The following CDH13 variants were observed in gnomAD, a reference collection of about 807,000 sequenced individuals.
CDH13 encodes cadherin-13.
In CDH13, 24 loss-of-function variants were observed where a neutral mutation model predicts 63.8. That is an observed-to-expected ratio of 0.38 (90% CI 0.27 to 0.53). CDH13 has a LOEUF of 0.53. CDH13 is among the 20% of genes least tolerant of loss of function. The pLI is 0.85. For missense variants in CDH13, 1,049 were observed against 903.1 expected (o/e 1.16, Z -2.07); for synonymous variants, 503 against 355.3 (o/e 1.42, Z -4.67).
intron 10 of CDH13, among the ~76,000 whole-genome samples, chr16:83,743,079 T>C (rs910181552): frequency 1.3e-5 from 2 of 152,140 alleles, no homozygotes; most frequent in African/African-American, 2.4e-5. Flanking sequence ...TGGTGGCAGG[T>C]GCCTATAATT....
chr16:83,276,467 C>A (rs1406653349), intron 5 of CDH13, among the ~76,000 whole-genome samples: 1 of 152,120 alleles, frequency 6.6e-6, no homozygotes, highest in Non-Finnish European at 1.5e-5. Flanking sequence ...TTTCACCCTG[C>A]TAATTAAAAT....
chr16:83,633,487 A>G (rs1178318224), intron 8 of CDH13, among the ~76,000 whole-genome samples: 1 of 152,238 alleles, frequency 6.6e-6, no homozygotes, highest in East Asian at 1.9e-4. Flanking sequence ...TAGCTGAGTC[A>G]GCACAAAAGG....
At chr16:83,783,139 A>G in intron 12 of CDH13, 115 bp from the exon 13 acceptor site, 1 of 707,662 alleles carries the variant, frequency 1.4e-6, no homozygotes. Flanking sequence ...AAGCATTCGC[A>G]CAATTATAAA....
At chr16:83,469,560 A>C (rs895632873) in intron 6 of CDH13, among the ~76,000 whole-genome samples, 11 of 152,190 alleles carry the variant, frequency 7.2e-5, no homozygotes, top group Admixed American at 1.3e-4. Context: ...AGATGCTTTC[A>C]GGGCAACCTT....
Position 83,043,441 on chromosome 16 carries a change from G to A in CDH13, c.366+11223G>A, listed in dbSNP as rs117987551. ...TTTTCTTATAGTCATGTTAAAAAAC[G>A]AAACCAGTGAAATTAACTTTAATAA... On this transcript the variant is annotated intron_variant, in intron 3 of 13. Coordinates refer to ENST00000567109, the MANE Select transcript of CDH13 (RefSeq NM_001257.5). Among the ~76,000 whole-genome samples the A allele has an allele frequency of 8.7e-3, 1,312 of 151,640 alleles. 13 individuals carry two copies. The highest frequency in any genetic ancestry group is 0.014 in the Non-Finnish European group (980 of 67,912).
chr16:83,429,666 T>TGC (rs2072032789), intron 6 of CDH13, among the ~76,000 whole-genome samples: 4 of 152,192 alleles, frequency 2.6e-5, no homozygotes, highest in African/African-American at 9.7e-5. Flanking sequence ...TGGCTAATCT[T>TGC]TCCTTAGAAC....
chr16:83,577,576 C>T (rs904762241), intron 7 of CDH13, among the ~76,000 whole-genome samples: 1 of 152,184 alleles, frequency 6.6e-6, no homozygotes, highest in East Asian at 1.9e-4. Flanking sequence ...ATGGCCATCA[C>T]ATCTTGGTTC....
At chr16:83,745,888 G>C (rs1448709343) in intron 10 of CDH13, among the ~76,000 whole-genome samples, 1 of 152,152 alleles carries the variant, frequency 6.6e-6, no homozygotes, top group Non-Finnish European at 1.5e-5. Context: ...TTCGAAGTAA[G>C]ATCCTTCAGG....
chr16:83,443,735 A>AATATATATATAT (rs1192288855), intron 6 of CDH13, among the ~76,000 whole-genome samples: 1 of 20,122 alleles, frequency 5.0e-5, no homozygotes, highest in African/African-American at 1.2e-4. Flanking sequence ...AAAAAAAAAA[A>AATATATATATAT]ATATATATAT....
intron 1 of CDH13, among the ~76,000 whole-genome samples, chr16:82,629,812 T>G (rs1265807558): frequency 6.6e-6 from 1 of 152,228 alleles, no homozygotes; most frequent in Non-Finnish European, 1.5e-5. Flanking sequence ...GTCCCAGAAG[T>G]GGCTTCTGGA....
At chr16:83,384,727 T>C (rs17212733) in intron 6 of CDH13, among the ~76,000 whole-genome samples, 16,497 of 152,244 alleles carry the variant, frequency 0.11, 1,175 homozygotes, top group Non-Finnish European at 0.16. Flanking sequence ...AAAGGCCTCA[T>C]GTGGATCAAT....
chr16:83,110,077 T>C (rs1424873721), intron 3 of CDH13, among the ~76,000 whole-genome samples: 2 of 152,242 alleles, frequency 1.3e-5, no homozygotes, highest in South Asian at 2.1e-4. Context: ...TGGTAGAATA[T>C]GTGGGGTTAT....
At chr16:82,962,627 C>G (rs1252143147) in intron 2 of CDH13, among the ~76,000 whole-genome samples, 3 of 152,064 alleles carry the variant, frequency 2.0e-5, no homozygotes, top group African/African-American at 7.2e-5. Flanking sequence ...GACAAAGATG[C>G]GGGTGAAACT....
Position 82,793,876 on chromosome 16 carries a change from A to G in CDH13, c.46-64486A>G, listed in dbSNP as rs181779980. On this transcript the variant is annotated intron_variant, in intron 1 of 13. Coordinates refer to ENST00000567109, the MANE Select transcript of CDH13 (RefSeq NM_001257.5). Reference sequence around the variant, plus strand: ...CTCAGAATTTTCCCCTTGCAGTTAGAAAAATATGGGACAGGCTGGGGCAGT... The same window carrying G: ...CTCAGAATTTTCCCCTTGCAGTTAGGAAAATATGGGACAGGCTGGGGCAGT... Among the ~76,000 whole-genome samples the G allele has an allele frequency of 2.5e-3, 379 of 152,270 alleles. 1 individual carries two copies. Among genetic ancestry groups the G allele is most frequent in the Non-Finnish European group, 4.2e-3 (289 of 68,020 alleles).
chr16:82,756,944 T>A (rs2034633874), intron 1 of CDH13, among the ~76,000 whole-genome samples: 1 of 152,226 alleles, frequency 6.6e-6, no homozygotes, highest in Non-Finnish European at 1.5e-5. Context: ...TGTCCCTTGC[T>A]ACATCCTCAT....
intron 1 of CDH13, among the ~76,000 whole-genome samples, chr16:82,707,843 C>T (rs1323282044): frequency 1.3e-5 from 2 of 152,148 alleles, no homozygotes; most frequent in Admixed American, 6.5e-5. Flanking sequence ...AAGAGGAACA[C>T]AGTAAAATTT....
rs541266693 is a variant in CDH13 at position 83,194,421 on chromosome 16, C to G, written c.484-22924C>G. ...CCTGTCTCCCCATGGAATGCTGCCT[C>G]CATTAGAGAAAAAGGAGAAAACCCG... On this transcript the variant is annotated intron_variant, in intron 4 of 13. Coordinates refer to ENST00000567109, the MANE Select transcript of CDH13 (RefSeq NM_001257.5). Among the ~76,000 whole-genome samples, 7 of 152,278 alleles carry G rather than the reference C, an allele frequency of 4.6e-5. No homozygotes were observed. In the East Asian group the frequency reaches 1.4e-3, roughly 29 times the overall value.
intron 1 of CDH13, among the ~76,000 whole-genome samples, chr16:82,668,819 G>A (rs896385936): frequency 6.6e-6 from 1 of 152,186 alleles, no homozygotes; most frequent in Non-Finnish European, 1.5e-5. Context: ...AAGGAGTGAC[G>A]ATGTCAGAGA....
At chr16:83,187,797 G>A (rs1400035261) in intron 4 of CDH13, among the ~76,000 whole-genome samples, 2 of 152,208 alleles carry the variant, frequency 1.3e-5, no homozygotes, top group East Asian at 1.9e-4. Context: ...AATACATGGT[G>A]TGTCAGTTGC....
Sources: allele counts gnomAD v4.1 joint callset (sites outside exome capture counted in the v4.1 genomes callset), GRCh38; gene constraint gnomAD v4.1.1; transcripts MANE v1.5; gene names NCBI Gene and HGNC (gene_info 2026-07-23, HGNC 2026-07-21).